The following LAMA2 variants were observed in gnomAD, a reference collection of about 807,000 sequenced individuals.
LAMA2 encodes laminin subunit alpha-2.
A neutral mutation model predicts 364.8 loss-of-function variants in LAMA2; 269 were observed. That is an observed-to-expected ratio of 0.74 (90% CI 0.67 to 0.82). The LOEUF (loss-of-function observed/expected upper bound fraction) is 0.82. LAMA2 is among the 40% of genes least tolerant of loss of function. LAMA2 has a pLI of 0.00. For missense variants in LAMA2, 3,807 were observed against 3,873.2 expected (o/e 0.98, Z 0.45); for synonymous variants, 1,379 against 1,370.6 (o/e 1.01, Z -0.14).
chr6:129,465,290 G>T lies in LAMA2; in HGVS notation c.7300+1G>T. The T allele has an allele frequency of 6.2e-7, 1 of 1,608,934 alleles. No individual in the cohort carries two copies. The highest frequency in any genetic ancestry group is 8.5e-7 in the Non-Finnish European group (1 of 1,176,318). On this transcript the variant is annotated splice_donor_variant, in intron 51 of 64. Transcript: ENST00000421865. LOFTEE classifies it high-confidence loss of function. ...ACTCTGTCAAGAATTCAAAAACAAG[G>T]TGAGTTTTTACAGTAATAATGCAAT...
intron 1 of LAMA2, among the ~76,000 whole-genome samples, chr6:128,912,325 AT>A (rs66716618): frequency 0.22 from 33,658 of 152,036 alleles, 5,579 homozygotes; most frequent in African/African-American, 0.47. Flanking sequence ...CGTAATGGAT[AT>A]TTTTTTCTCA....
At chr6:129,266,391 A>G (rs927344797) in intron 15 of LAMA2, among the ~76,000 whole-genome samples, 4 of 152,186 alleles carry the variant, frequency 2.6e-5, no homozygotes, top group African/African-American at 9.6e-5. Context: ...AAAGTGTTTC[A>G]CATTTTAAAC....
chr6:129,496,111 T>C (rs1785171843), intron 58 of LAMA2, among the ~76,000 whole-genome samples: 1 of 152,160 alleles, frequency 6.6e-6, no homozygotes, highest in African/African-American at 2.4e-5. Flanking sequence ...TAGTTGGCAC[T>C]AAAACCCAGA....
intron 3 of LAMA2, among the ~76,000 whole-genome samples, chr6:129,074,666 C>G (rs749753937): frequency 3.3e-5 from 5 of 152,154 alleles, no homozygotes; most frequent in Non-Finnish European, 5.9e-5. Flanking sequence ...CAAAAATCAG[C>G]ATATTATCTG....
intron 35 of LAMA2, 36 bp downstream of exon 35, chr6:129,383,269 C>T: frequency 6.8e-7 from 1 of 1,480,596 alleles, no homozygotes; most frequent in Non-Finnish European, 9.4e-7. Context: ...CATCATTTCT[C>T]CCAACAGAAA....
At chr6:129,151,149 GGCTGC>G (rs1332211203) in intron 7 of LAMA2, among the ~76,000 whole-genome samples, 1 of 152,140 alleles carries the variant, frequency 6.6e-6, no homozygotes, top group Non-Finnish European at 1.5e-5. Context: ...GAGCGGGGTA[GGCTGC>G]AGCCTACAGA....
chr6:128,980,067 C>G (rs971607982), intron 1 of LAMA2, among the ~76,000 whole-genome samples: 1 of 152,182 alleles, frequency 6.6e-6, no homozygotes, highest in Non-Finnish European at 1.5e-5. Flanking sequence ...ACAGGTTCAT[C>G]ATAGTCAGCA....
At chr6:128,904,313 C>A (rs1287161763) in intron 1 of LAMA2, among the ~76,000 whole-genome samples, 2 of 152,086 alleles carry the variant, frequency 1.3e-5, no homozygotes, top group Non-Finnish European at 2.9e-5. Context: ...TGTGAATGCC[C>A]TTAACACCAG....
intron 29 of LAMA2, among the ~76,000 whole-genome samples, chr6:129,330,707 G>A (rs1041351028): frequency 7.3e-6 from 1 of 137,434 alleles, no homozygotes; most frequent in African/African-American, 2.8e-5. Context: ...CTTTTTTCTT[G>A]TTCCTTATCT....
intron 13 of LAMA2, among the ~76,000 whole-genome samples, chr6:129,251,076 C>CTCTCTATA (rs1491468271): frequency 7.8e-4 from 39 of 49,802 alleles, no homozygotes; most frequent in African/African-American, 1.1e-3. Flanking sequence ...CTCTCTCTCT[C>CTCTCTATA]TATATATATA....
intron 12 of LAMA2, among the ~76,000 whole-genome samples, chr6:129,215,380 C>T (rs1041659498): frequency 6.6e-6 from 1 of 152,144 alleles, no homozygotes; most frequent in Non-Finnish European, 1.5e-5. Context: ...AATCCTATAT[C>T]AAAGCTTCTG....
At chr6:129,395,422 G>A (rs1554288046) in intron 37 of LAMA2, among the ~76,000 whole-genome samples, 1 of 152,104 alleles carries the variant, frequency 6.6e-6, no homozygotes, top group Non-Finnish European at 1.5e-5. Context: ...TCAGTGATGA[G>A]CCCCCTTAGA....
chr6:128,883,183 A>G lies in LAMA2; in HGVS notation c.-63A>G. ...CTCGCTCAGCTCACAAGCCAAGGCC[A>G]GGGGACAGGGCGGCAGCGACTCCTC... is the stretch of plus-strand genomic sequence containing the variant. On this transcript the variant is annotated 5_prime_UTR_variant, in exon 1 of 65. Coordinates refer to ENST00000421865, the MANE Select transcript of LAMA2 (RefSeq NM_000426.4). The G allele has an allele frequency of 6.9e-7, 1 of 1,459,450 alleles. No individual in the cohort carries two copies. The highest frequency in any genetic ancestry group is 9.3e-7 in the Non-Finnish European group (1 of 1,071,720). The allele number at this position is 1,459,450 out of a possible 1,614,324, so 90.4% of individuals were successfully genotyped here.
At chr6:129,109,257 T>A (rs17053356) in intron 4 of LAMA2, among the ~76,000 whole-genome samples, 35,541 of 151,924 alleles carry the variant, frequency 0.23, 4,406 homozygotes, top group African/African-American at 0.32. Context: ...TATTAGTCAA[T>A]GCATTACTTT....
chr6:128,979,596 G>A (rs1466546040), intron 1 of LAMA2, among the ~76,000 whole-genome samples: 1 of 152,212 alleles, frequency 6.6e-6, no homozygotes, highest in African/African-American at 2.4e-5. Flanking sequence ...CTTGGTAGAT[G>A]AACTTGTTCA....
Position 129,393,153 on chromosome 6 carries a change from C to T in LAMA2, c.5343C>T (p.Asn1781=). ...GGGAAAAACTGGCTGACTACAAAAA[C>T]AAAGTTGATGATGCTTGGGACCTTT... ...DLREKLADYK[N]KVDDAWDLLR... The change falls in exon 37 of 65, where the codon AAC becomes AAT. Residue 1781 remains asparagine, a synonymous_variant. Transcript: ENST00000421865. 1 of 1,614,014 alleles carries T rather than the reference C, an allele frequency of 6.2e-7. No homozygotes were observed. The highest frequency in any genetic ancestry group is 8.5e-7 in the Non-Finnish European group (1 of 1,179,918).
chr6:129,411,795 AC>A (rs1780552313), intron 40 of LAMA2, among the ~76,000 whole-genome samples: 1 of 152,172 alleles, frequency 6.6e-6, no homozygotes, highest in Admixed American at 6.5e-5. Context: ...AAATGAAAGA[AC>A]TTGGATATAA....
intron 12 of LAMA2, among the ~76,000 whole-genome samples, chr6:129,194,864 T>C (rs1244132420): frequency 6.6e-6 from 1 of 152,198 alleles, no homozygotes; most frequent in Non-Finnish European, 1.5e-5. Flanking sequence ...GCTTGGTTGA[T>C]TTAATATCTT....
chr6:129,373,708 C>G (rs1778216013), intron 34 of LAMA2, among the ~76,000 whole-genome samples: 2 of 152,014 alleles, frequency 1.3e-5, no homozygotes, highest in Admixed American at 1.3e-4. Context: ...TGGACAGGTT[C>G]ATGTGTTTGG....
Sources: gnomAD v4.1 joint callset for allele counts (sites outside exome capture counted in the v4.1 genomes callset) on GRCh38, gnomAD v4.1.1 for gene constraint, MANE v1.5 for transcripts, NCBI Gene and HGNC (gene_info 2026-07-23, HGNC 2026-07-21) for gene names.